CUL5: variants seen among roughly 807,000 people sequenced by gnomAD.
The protein encoded by CUL5 is cullin-5.
In CUL5, 26 loss-of-function variants were observed where a neutral mutation model predicts 108.8. The observed-to-expected ratio is 0.24, with a 90% CI of 0.18 to 0.33. The LOEUF (loss-of-function observed/expected upper bound fraction) is 0.33, where lower values mean the gene tolerates loss of function less well. Ranked by LOEUF, CUL5 falls within the 10% of genes least tolerant of loss-of-function variation. The probability of loss-of-function intolerance (pLI) is 1.00; values close to 1 mark genes in which losing one functional copy is unlikely to be tolerated. For missense variants in CUL5, 524 were observed against 909.2 expected, an observed-to-expected ratio of 0.58 and a Z score of 5.45; for synonymous variants, 334 against 298.0, an observed-to-expected ratio of 1.12 and a Z score of -1.25.
At chr11:108,043,339 G>A (rs997401036) in intron 2 of CUL5, among the ~76,000 whole-genome samples, 15 of 152,196 alleles carry the variant, frequency 9.9e-5, no homozygotes, top group Non-Finnish European at 1.6e-4. Flanking sequence ...CTCCAAGAGT[G>A]CTAGGATTAC....
intron 1 of CUL5, among the ~76,000 whole-genome samples, chr11:108,032,308 A>C (rs922312814): frequency 1.2e-4 from 19 of 152,054 alleles, no homozygotes; most frequent in African/African-American, 4.3e-4. Flanking sequence ...GGAGTTCAAG[A>C]CCAGCCTGGG....
Position 108,052,769 on chromosome 11 carries a change from C to G in CUL5, c.521C>G (p.Ser174Cys). Reference sequence around the variant, plus strand: ...GAGAGATTGGGAGAAGCTTTTGATTCTCAGCTGGTTATTGGAGTAAGAGAA... The same window carrying G: ...GAGAGATTGGGAGAAGCTTTTGATTGTCAGCTGGTTATTGGAGTAAGAGAA... ...HAERLGEAFD[S>C]QLVIGVRESY... The change falls in exon 5 of 19, where the codon TCT becomes TGT. Residue 174 changes from serine to cysteine, a missense_variant. Physicochemically the swap from Ser to Cys is moderately radical, Grantham distance 112. This residue lies in a region of CUL5 where 170 missense variants were observed against 305.1 expected (regional missense o/e 0.56). Coordinates refer to ENST00000393094, the MANE Select transcript of CUL5 (RefSeq NM_003478.6). The G allele has an allele frequency of 6.2e-7, 1 of 1,613,624 alleles. No individual in the cohort carries two copies. The highest frequency in any genetic ancestry group is 8.5e-7 in the Non-Finnish European group (1 of 1,179,776).
In CUL5 at chr11:108,106,141, A is replaced by C. The variant is rs1186953370; in HGVS notation, c.*1757A>C. ...GTTTTCTCTAATTAGGTGACTGTTC[A>C]TAATGGGTATATTTGGAATTTAGAA... is the stretch of plus-strand genomic sequence containing the variant. On this transcript the variant is annotated 3_prime_UTR_variant, in exon 19 of 19. Transcript: ENST00000393094. 1 of 152,504 alleles carries C rather than the reference A, an allele frequency of 6.6e-6. No individual in the cohort carries two copies. Among genetic ancestry groups the C allele is most frequent in the Admixed American group, 6.5e-5 (1 of 15,282 alleles). 9.4% of individuals were successfully genotyped at this position (152,504 alleles called of 1,614,324 possible). A position where few individuals can be genotyped will look rare whatever the true frequency, so the allele number is the denominator to read the frequency against.
At chr11:108,094,739 A>C (rs1435205358) in intron 14 of CUL5, 73 bp from the exon 15 acceptor site, 2 of 1,226,616 alleles carry the variant, frequency 1.6e-6, no homozygotes, top group African/African-American at 3.1e-5. Context: ...TTTTCACCCA[A>C]AGTTACCCTG....
At chr11:108,017,241 A>G (rs1447509160) in intron 1 of CUL5, among the ~76,000 whole-genome samples, 1 of 151,832 alleles carries the variant, frequency 6.6e-6, no homozygotes, top group African/African-American at 2.4e-5. Context: ...TAAAAAATAA[A>G]TACCTGGGGG....
At chr11:108,082,733 C>G (rs904605808) in intron 11 of CUL5, among the ~76,000 whole-genome samples, 1 of 152,124 alleles carries the variant, frequency 6.6e-6, no homozygotes, top group African/African-American at 2.4e-5. Flanking sequence ...CAGCCTTCGC[C>G]TCCTGGGCTC....
chr11:108,104,112 A>G, intron 18 of CUL5, 78 bp from the exon 19 acceptor site: 1 of 945,542 alleles, frequency 1.1e-6, no homozygotes, highest in Non-Finnish European at 1.6e-6. Context: ...GAATATGCAT[A>G]AAAAGTCATT....
intron 16 of CUL5, among the ~76,000 whole-genome samples, chr11:108,096,807 T>C (rs1373328267): frequency 6.6e-6 from 1 of 151,832 alleles, no homozygotes; most frequent in Non-Finnish European, 1.5e-5. Context: ...CTCAGGTAAT[T>C]TGCCCGCCTC....
rs932061526 is a variant in CUL5, at chr11:108,085,171, A to T, written c.1179-3356A>T. On this transcript the variant is annotated intron_variant, in intron 11 of 18. Coordinates refer to ENST00000393094, the MANE Select transcript of CUL5 (RefSeq NM_003478.6). ...TTACTCTTAATAGTCAAAAAGTGTA[A>T]ACAACCCAAATATCCATTAGTTGCA... is the stretch of plus-strand genomic sequence containing the variant. Among the ~76,000 whole-genome samples the T allele has an allele frequency of 2.6e-5, 4 of 152,212 alleles. 1 individual carries two copies. The South Asian group carries it at 8.3e-4, about 32-fold the overall frequency.
intron 1 of CUL5, among the ~76,000 whole-genome samples, chr11:108,014,884 C>CTTA (rs979670338): frequency 6.6e-6 from 1 of 151,920 alleles, no homozygotes; most frequent in African/African-American, 2.4e-5. Context: ...GCTCGGTGCT[C>CTTA]TTATTATTAT....
chr11:108,079,486 T>A (rs943663286), intron 11 of CUL5, among the ~76,000 whole-genome samples: 1 of 152,226 alleles, frequency 6.6e-6, no homozygotes, highest in Non-Finnish European at 1.5e-5. Flanking sequence ...TATCTCCTTA[T>A]ATACATTCGT....
At chr11:108,013,685 A>G (rs1378061899) in intron 1 of CUL5, among the ~76,000 whole-genome samples, 1 of 152,168 alleles carries the variant, frequency 6.6e-6, no homozygotes, top group Non-Finnish European at 1.5e-5. Flanking sequence ...TCAAACTTTA[A>G]ACTGAAATAT....
intron 11 of CUL5, among the ~76,000 whole-genome samples, chr11:108,079,684 T>G (rs1443100066): frequency 3.3e-5 from 5 of 152,216 alleles, no homozygotes; most frequent in African/African-American, 1.2e-4. Flanking sequence ...TATACCCCTA[T>G]TAACATGTAT....
intron 1 of CUL5, among the ~76,000 whole-genome samples, chr11:108,025,523 C>T: frequency 6.6e-6 from 1 of 152,188 alleles, no homozygotes; most frequent in East Asian, 1.9e-4. Context: ...GGTAGGGCTA[C>T]TTTGGCTCCA....
chr11:108,094,582 T>A, intron 14 of CUL5, 68 bp downstream of exon 14: 1 of 1,027,762 alleles, frequency 9.7e-7, no homozygotes, highest in Non-Finnish European at 1.4e-6. Flanking sequence ...TCCAGTAAAT[T>A]AAAAATAAAC....
At chr11:108,075,145 A>T (rs1863913170) in intron 10 of CUL5, among the ~76,000 whole-genome samples, 1 of 152,092 alleles carries the variant, frequency 6.6e-6, no homozygotes, top group East Asian at 1.9e-4. Context: ...GTGATGATGG[A>T]GGCTTGTCCC....
At position 108,098,324 on chromosome 11, in the gene CUL5, C is replaced by A. The variant is rs534597308; in HGVS notation, c.2025-82C>A. The A allele has an allele frequency of 9.5e-6, 12 of 1,258,182 alleles. No homozygotes were observed. The South Asian group carries it at 1.5e-4, about 16-fold the overall frequency. 77.9% of individuals were successfully genotyped at this position (1,258,182 alleles called of 1,614,324 possible). On this transcript the variant is annotated intron_variant, in intron 17 of 18. Coordinates refer to ENST00000393094, the MANE Select transcript of CUL5 (RefSeq NM_003478.6). Reference sequence around the variant, plus strand: ...CTGATATTTTAGCATATTTTTAAATCTTTTCTCTCAGACATTGTTGCTATA... The same window carrying A: ...CTGATATTTTAGCATATTTTTAAATATTTTCTCTCAGACATTGTTGCTATA...
chr11:108,069,391 G>C (rs183352985), intron 7 of CUL5, among the ~76,000 whole-genome samples: 2 of 152,116 alleles, frequency 1.3e-5, no homozygotes, highest in Admixed American at 6.5e-5. Context: ...CTCTTCCACT[G>C]TCTGTTTCTT....
At chr11:108,044,826 A>G (rs1331470140) in intron 2 of CUL5, among the ~76,000 whole-genome samples, 1 of 151,748 alleles carries the variant, frequency 6.6e-6, no homozygotes, top group Admixed American at 6.6e-5. Flanking sequence ...CATTGGTGCC[A>G]TCTTGGCTCA....
Sources: gnomAD v4.1 joint callset for allele counts (sites outside exome capture counted in the v4.1 genomes callset) on GRCh38, gnomAD v4.1.1 for gene constraint, gnomAD v4.1.1 regional missense constraint, MANE v1.5 for transcripts, NCBI Gene and HGNC (gene_info 2026-07-23, HGNC 2026-07-21) for gene names.